SPTLC3: variants seen among roughly 807,000 people sequenced by gnomAD.
The protein encoded by SPTLC3 is serine palmitoyltransferase 3.
Under a neutral mutation model 59.3 loss-of-function variants are expected in SPTLC3, and 36 were observed. The observed-to-expected ratio is 0.61, with a 90% CI of 0.47 to 0.80. SPTLC3 has a LOEUF of 0.80. Ranked by LOEUF, SPTLC3 falls within the 30% of genes least tolerant of loss-of-function variation. The pLI, the probability that SPTLC3 is intolerant of heterozygous loss-of-function variation, is 0.00. For missense variants in SPTLC3, 625 were observed against 685.1 expected (o/e 0.91, Z 0.98); for synonymous variants, 257 against 240.8 (o/e 1.07, Z -0.62).
chr20:13,009,507 C>T, intron 1 of SPTLC3, 123 bp downstream of exon 1: 1 of 854,316 alleles, frequency 1.2e-6, no homozygotes. Context: ...CATGTTTTGA[C>T]TGTTGACTCT....
chr20:13,087,704 T>C (rs1436616126), intron 4 of SPTLC3, among the ~76,000 whole-genome samples: 2 of 152,172 alleles, frequency 1.3e-5, no homozygotes, highest in Non-Finnish European at 2.9e-5. Context: ...TATGATACTA[T>C]TGTCAGTATC....
chr20:13,016,633 G>A lies in SPTLC3; in HGVS notation c.117+7249G>A, dbSNP rs532129279. Among the ~76,000 whole-genome samples the A allele has an allele frequency of 2.0e-4, 31 of 152,238 alleles. 1 individual carries two copies. The South Asian group carries it at 6.0e-3, about 30-fold the overall frequency. Reference sequence around the variant, plus strand: ...TCTACTTTCTATGATAATAGGCTTAGAGACCTTTATTTAACAACTGAACAT... The same window carrying A: ...TCTACTTTCTATGATAATAGGCTTAAAGACCTTTATTTAACAACTGAACAT... On this transcript the variant is annotated intron_variant, in intron 1 of 11. Coordinates refer to ENST00000399002, the MANE Select transcript of SPTLC3 (RefSeq NM_018327.4).
At chr20:13,068,427 C>G (rs961019830) in intron 2 of SPTLC3, among the ~76,000 whole-genome samples, 1 of 152,158 alleles carries the variant, frequency 6.6e-6, no homozygotes, top group African/African-American at 2.4e-5. Flanking sequence ...GCTTCATTTT[C>G]TGGTTTAGTT....
intron 8 of SPTLC3, 33 bp downstream of exon 8, chr20:13,117,758 C>T: frequency 6.4e-7 from 1 of 1,566,174 alleles, no homozygotes; most frequent in Non-Finnish European, 8.7e-7. Context: ...CTGTTTAAAA[C>T]CTGAGCGCCC....
chr20:13,166,191 G>A lies in SPTLC3; in HGVS notation c.*1324G>A, dbSNP rs2038981694. The A allele has an allele frequency of 6.6e-6, 1 of 152,620 alleles. No homozygotes were observed. Among genetic ancestry groups the A allele is most frequent in the Admixed American group, 6.5e-5 (1 of 15,280 alleles). The allele number at this position is 152,620 out of a possible 1,614,324, so 9.5% of individuals were successfully genotyped here. A position where few individuals can be genotyped will look rare whatever the true frequency, so the allele number is the denominator to read the frequency against. On this transcript the variant is annotated 3_prime_UTR_variant, in exon 12 of 12. Transcript: ENST00000399002. ...ACATTCCACTCCATCAAATGACACT[G>A]TAAACAAATCACTTCAAGAGAGGCT...
At chr20:13,047,122 A>G (rs1421713933) in intron 1 of SPTLC3, among the ~76,000 whole-genome samples, 1 of 152,184 alleles carries the variant, frequency 6.6e-6, no homozygotes, top group Non-Finnish European at 1.5e-5. Context: ...AAGGCTTTTA[A>G]AATTTCTTTA....
chr20:13,145,237 AC>A (rs2038482288), intron 9 of SPTLC3, among the ~76,000 whole-genome samples: 1 of 152,062 alleles, frequency 6.6e-6, no homozygotes, highest in African/African-American at 2.4e-5. Flanking sequence ...TATCTAGAAA[AC>A]CCCATAGTAC....
chr20:13,093,452 G>A, intron 5 of SPTLC3, 32 bp from the exon 6 acceptor site: 6 of 1,595,602 alleles, frequency 3.8e-6, no homozygotes, highest in Non-Finnish European at 2.6e-6. Context: ...TTATTTATTG[G>A]CTTGTGTTTT....
chr20:13,121,102 G>A (rs2037855856), intron 8 of SPTLC3, among the ~76,000 whole-genome samples: 1 of 152,170 alleles, frequency 6.6e-6, no homozygotes, highest in Admixed American at 6.5e-5. Context: ...TGGGAAATGT[G>A]GTCAATGCCG....
intron 1 of SPTLC3, among the ~76,000 whole-genome samples, chr20:13,017,904 T>G (rs1324019258): frequency 6.6e-6 from 1 of 152,182 alleles, no homozygotes; most frequent in Non-Finnish European, 1.5e-5. Flanking sequence ...GACTCGCAGC[T>G]TGAACCCAGT....
At chr20:13,128,610 T>TAGGGG (rs1423409390) in intron 9 of SPTLC3, among the ~76,000 whole-genome samples, 2 of 151,928 alleles carry the variant, frequency 1.3e-5, no homozygotes, top group Admixed American at 1.3e-4. Flanking sequence ...TGAAAAGAGG[T>TAGGGG]AGGGGTAAAT....
intron 1 of SPTLC3, among the ~76,000 whole-genome samples, chr20:13,025,407 A>G (rs1174716216): frequency 6.6e-6 from 1 of 152,058 alleles, no homozygotes; most frequent in African/African-American, 2.4e-5. Context: ...TGACTTTCAC[A>G]CTTCCTGAGC....
intron 1 of SPTLC3, among the ~76,000 whole-genome samples, chr20:13,032,107 C>T (rs945213610): frequency 6.6e-5 from 10 of 152,154 alleles, no homozygotes; most frequent in South Asian, 2.1e-4. Flanking sequence ...TGGTCAAGAA[C>T]GTGGTAGTTA....
chr20:13,088,558 C>T (rs1289380389), intron 4 of SPTLC3, among the ~76,000 whole-genome samples: 5 of 151,834 alleles, frequency 3.3e-5, no homozygotes, highest in African/African-American at 7.3e-5. Flanking sequence ...CTCCTGACCT[C>T]GTGATCTGCC....
intron 4 of SPTLC3, among the ~76,000 whole-genome samples, chr20:13,081,586 TA>T (rs1568593037): frequency 6.6e-6 from 1 of 152,200 alleles, no homozygotes; most frequent in African/African-American, 2.4e-5. Flanking sequence ...GAGCAGTTTC[TA>T]AAAAATTGCT....
chr20:13,026,999 G>A (rs1184007172), intron 1 of SPTLC3, among the ~76,000 whole-genome samples: 3 of 152,100 alleles, frequency 2.0e-5, no homozygotes, highest in Non-Finnish European at 4.4e-5. Context: ...TAATTCTTAG[G>A]TGTGTTCTAC....
At chr20:13,112,791 A>T (rs1376476003) in intron 7 of SPTLC3, among the ~76,000 whole-genome samples, 1 of 152,204 alleles carries the variant, frequency 6.6e-6, no homozygotes, top group Non-Finnish European at 1.5e-5. Context: ...CAATTTCCTC[A>T]TCTGTAAAAT....
chr20:13,145,358 A>C (rs192339423), intron 9 of SPTLC3, among the ~76,000 whole-genome samples: 1 of 152,332 alleles, frequency 6.6e-6, no homozygotes, highest in East Asian at 1.9e-4. Flanking sequence ...CAAAACTGAG[A>C]GCCAAATTAG....
In SPTLC3 at chr20:13,164,331, C is replaced by A. The variant is rs535974772; in HGVS notation, c.1546-423C>A. 1.6e-3 allele frequency: 743 copies of A among 471,810 alleles called. 5 individuals carry two copies. The highest frequency in any genetic ancestry group is 9.7e-3 in the South Asian group (628 of 64,554). The allele number at this position is 471,810 out of a possible 1,614,324, so 29.2% of individuals were successfully genotyped here. ...AGAGGATGATGTTAATCAGCTCCCG[C>A]AACATTCCTCTTTGTTCTTGGCCAG... On this transcript the variant is annotated intron_variant, in intron 11 of 11. Coordinates refer to ENST00000399002, the MANE Select transcript of SPTLC3 (RefSeq NM_018327.4).
Sources: gnomAD v4.1 joint callset for allele counts (sites outside exome capture counted in the v4.1 genomes callset) on GRCh38, gnomAD v4.1.1 for gene constraint, MANE v1.5 for transcripts, NCBI Gene and HGNC (gene_info 2026-07-23, HGNC 2026-07-21) for gene names.